FRMPD4: variants seen among roughly 807,000 people sequenced by gnomAD.
The protein encoded by FRMPD4 is FERM and PDZ domain containing 4.
In FRMPD4, 22 loss-of-function variants were observed where a neutral mutation model predicts 94.1. That is an observed-to-expected ratio of 0.23 (90% CI 0.17 to 0.33). The LOEUF (loss-of-function observed/expected upper bound fraction) is 0.33. Ranked by LOEUF, FRMPD4 falls within the 10% of genes least tolerant of loss-of-function variation. The pLI is 1.00. For missense variants in FRMPD4, 1,111 were observed against 1,339.9 expected, an observed-to-expected ratio of 0.83 and a Z score of 2.67; for synonymous variants, 631 against 548.6, an observed-to-expected ratio of 1.15 and a Z score of -2.10.
intron 3 of FRMPD4, among the ~76,000 whole-genome samples, chrX:12,087,241 G>A (rs1443899079): frequency 9.0e-6 from 1 of 111,676 alleles, no homozygotes; most frequent in Non-Finnish European, 1.9e-5. Context: ...AAAGGCCTAA[G>A]GTTGGGGGTG....
intron 1 of FRMPD4, among the ~76,000 whole-genome samples, chrX:12,221,772 A>G (rs1054439469): frequency 2.7e-5 from 3 of 111,855 alleles, no homozygotes; most frequent in African/African-American, 6.5e-5. Flanking sequence ...TGTAGCTTCA[A>G]TTTGGTGGAC....
At chrX:12,006,266 G>T (rs2054553547) in intron 3 of FRMPD4, among the ~76,000 whole-genome samples, 1 of 112,372 alleles carries the variant, frequency 8.9e-6, no homozygotes, top group Non-Finnish European at 1.9e-5. Flanking sequence ...AAATTCTTAT[G>T]ATGGAAGTTG....
intron 4 of FRMPD4, among the ~76,000 whole-genome samples, chrX:12,640,611 T>C (rs1415095624): frequency 8.9e-5 from 10 of 112,047 alleles, no homozygotes; most frequent in Non-Finnish European, 1.5e-4. Context: ...GTCATTCTTT[T>C]AATAGAAGGA....
intron 3 of FRMPD4, among the ~76,000 whole-genome samples, chrX:12,091,525 G>C: frequency 8.9e-6 from 1 of 112,214 alleles, no homozygotes; most frequent in African/African-American, 3.2e-5. Flanking sequence ...TCCTATCCCT[G>C]ATCTAAAACA....
At position 12,720,717 on chromosome X, in the gene FRMPD4, G is replaced by A. The variant is rs903758483; in HGVS notation, c.4148G>A (p.Arg1383Gln). The A allele has an allele frequency of 1.9e-5, 20 of 1,067,433 alleles. No homozygotes were observed. Among genetic ancestry groups the A allele is most frequent in the African/African-American group, 7.7e-5 (4 of 52,201 alleles). The allele number at this position is 1,067,433 out of a possible 1,213,427, so 88.0% of individuals were successfully genotyped here. The change falls in exon 17 of 17, where the codon CGG becomes CAG. Residue 1383 changes from arginine to glutamine, a missense_variant. Arg to Gln is a conservative substitution (Grantham distance 43, BLOSUM62 1). Around this residue, in one of 8 missense-constraint regions of FRMPD4, gnomAD observed 551 missense variants for 591.6 expected, o/e 0.93. Transcript: ENST00000675598. ...NQAYGEAVSW[R>Q]PPDLRGGSLR... is the part of the protein sequence containing the mutation. ...GCATACGGAGAGGCTGTGAGCTGGC[G>A]GCCACCGGATCTGAGAGGGGGGAGC...
chrX:11,949,544 A>G (rs2054208735), intron 3 of FRMPD4, among the ~76,000 whole-genome samples: 1 of 112,249 alleles, frequency 8.9e-6, no homozygotes, highest in African/African-American at 3.2e-5. Flanking sequence ...GGCAAGAGTG[A>G]ACCCTGCAAA....
In FRMPD4 at chrX:12,717,708, G is replaced by A. The variant is rs1281878974; in HGVS notation, c.2882G>A (p.Gly961Glu). The A allele has an allele frequency of 1.7e-6, 2 of 1,211,181 alleles. No individual in the cohort carries two copies. The highest frequency in any genetic ancestry group is 4.3e-5 in the Admixed American group (2 of 46,106). The change falls in exon 16 of 17, where the codon GGG becomes GAG. Residue 961 changes from glycine to glutamate, a missense_variant. Coordinates refer to ENST00000675598, the MANE Select transcript of FRMPD4 (RefSeq NM_001368397.1). ...TTCCCGGCCTCCAAGACCCCCGCTG[G>A]GGGCTTGCCTCCAAAGTCCTCGCAC... ...TEFPASKTPA[G>E]GLPPKSSHAL...
At chrX:12,254,237 G>A (rs1339508610) in intron 1 of FRMPD4, among the ~76,000 whole-genome samples, 1 of 111,993 alleles carries the variant, frequency 8.9e-6, no homozygotes. Context: ...CCAGAATGCA[G>A]GAAGAGCACC....
intron 3 of FRMPD4, among the ~76,000 whole-genome samples, chrX:11,912,331 A>C (rs2054001050): frequency 8.9e-6 from 1 of 112,550 alleles, no homozygotes; most frequent in Non-Finnish European, 1.9e-5. Flanking sequence ...CTCAGAGATC[A>C]CAAAGGGGAA....
In FRMPD4 at chrX:12,357,973, A is replaced by C. The variant is rs538584268; in HGVS notation, c.42-140707A>C. Reference sequence around the variant, plus strand: ...GTACCTCTCTGAACACTTCGTCTAGATGAAATCATACAAGACATGCTCTTT... The same window carrying C: ...GTACCTCTCTGAACACTTCGTCTAGCTGAAATCATACAAGACATGCTCTTT... On this transcript the variant is annotated intron_variant, in intron 1 of 16. Transcript: ENST00000675598. Among the ~76,000 whole-genome samples the C allele has an allele frequency of 1.2e-4, 13 of 111,991 alleles. No homozygotes were observed. In the South Asian group the frequency reaches 4.1e-3, roughly 36 times the overall value.
intron 1 of FRMPD4, among the ~76,000 whole-genome samples, chrX:12,488,909 G>A (rs977797442): frequency 8.9e-6 from 1 of 111,981 alleles, no homozygotes. Context: ...ACTATGGCTC[G>A]AAGGCCACAT....
At chrX:12,100,107 A>C (rs998522385) in intron 3 of FRMPD4, among the ~76,000 whole-genome samples, 3 of 112,252 alleles carry the variant, frequency 2.7e-5, no homozygotes, top group African/African-American at 9.7e-5. Flanking sequence ...TAAAATATTT[A>C]CTGTCTGGCC....
In FRMPD4 at chrX:11,923,682, A is replaced by G. The variant is rs746101142; in HGVS notation, c.95+45664A>G. Among the ~76,000 whole-genome samples, 6 of 112,124 alleles carry G rather than the reference A, an allele frequency of 5.4e-5. No individual in the cohort carries two copies. The East Asian group carries it at 1.7e-3, about 31-fold the overall frequency. On this transcript the variant is annotated intron_variant, in intron 3 of 18. Coordinates refer to the FRMPD4 transcript ENST00000640291. ...TGAGAGTTGAGCCTTGACCTCTAAAATCTCCCAGAAACAAAGCCAGTTGGC... is the reference window on the plus strand; with the variant it reads ...TGAGAGTTGAGCCTTGACCTCTAAAGTCTCCCAGAAACAAAGCCAGTTGGC...
intron 1 of FRMPD4, among the ~76,000 whole-genome samples, chrX:12,486,133 C>A (rs1286934336): frequency 9.0e-6 from 1 of 110,985 alleles, no homozygotes; most frequent in Non-Finnish European, 1.9e-5. Context: ...AAATCTCCAA[C>A]AGGGATAGTT....
intron 3 of FRMPD4, among the ~76,000 whole-genome samples, chrX:12,035,786 G>A (rs1466131530): frequency 9.0e-6 from 1 of 111,191 alleles, no homozygotes; most frequent in Non-Finnish European, 1.9e-5. Context: ...GTTGCTACAG[G>A]AAAAAAATCA....
intron 1 of FRMPD4, among the ~76,000 whole-genome samples, chrX:12,443,098 G>C (rs2057157275): frequency 9.0e-6 from 1 of 111,261 alleles, no homozygotes; most frequent in African/African-American, 3.3e-5. Context: ...AATAGGGAGT[G>C]ACTGCTAACA....
chrX:12,442,929 C>A, intron 1 of FRMPD4, among the ~76,000 whole-genome samples: 1 of 111,545 alleles, frequency 9.0e-6, no homozygotes, highest in East Asian at 2.8e-4. Context: ...GTACATGATG[C>A]AACTTAGATG....
At chrX:12,092,653 T>C (rs2055163640) in intron 3 of FRMPD4, among the ~76,000 whole-genome samples, 1 of 111,661 alleles carries the variant, frequency 9.0e-6, no homozygotes, top group African/African-American at 3.3e-5. Context: ...TTGAGGCTCA[T>C]GTGCCAAACC....
chrX:12,611,971 T>C (rs1480146391), intron 3 of FRMPD4, among the ~76,000 whole-genome samples: 1 of 111,453 alleles, frequency 9.0e-6, no homozygotes, highest in Admixed American at 9.5e-5. Context: ...TAGCCATTAT[T>C]GATGTAGACA....
Sources: allele counts gnomAD v4.1 joint callset (sites outside exome capture counted in the v4.1 genomes callset), GRCh38; gene constraint gnomAD v4.1.1; regional missense constraint gnomAD v4.1.1; transcripts MANE v1.5; gene names NCBI Gene and HGNC (gene_info 2026-07-23, HGNC 2026-07-21).